NBEA: variants seen among roughly 807,000 people sequenced by gnomAD.
NBEA encodes the protein neurobeachin, also known as lysosomal-trafficking regulator 2.
NBEA carries 44 observed loss-of-function variants against 343.4 expected under a neutral mutation model. That is an observed-to-expected ratio of 0.13 (90% CI 0.10 to 0.16). The LOEUF (loss-of-function observed/expected upper bound fraction) is 0.16. NBEA is among the 10% of genes least tolerant of loss of function. The pLI, the probability that NBEA is intolerant of heterozygous loss-of-function variation, is 1.00. For missense variants in NBEA, 2,555 were observed against 3,631.3 expected (o/e 0.70, Z 7.62); for synonymous variants, 1,175 against 1,238.7 (o/e 0.95, Z 1.08).
Position 35,308,504 on chromosome 13 carries a change from ATATATATGTG to A in NBEA, c.5839-1014_5839-1005del, listed in dbSNP as rs1435193926. Among the ~76,000 whole-genome samples the A allele has an allele frequency of 2.2e-3, 251 of 115,508 alleles. 4 individuals carry two copies. Among genetic ancestry groups the A allele is most frequent in the African/African-American group, 8.7e-3 (238 of 27,440 alleles). 75.8% of individuals were successfully genotyped at this position (115,508 alleles called of 152,430 possible). Reference sequence around the variant, plus strand: ...TATATATGTGTATATATATGTGTATATATATATGTGTATATATGTATATATATGTATATAT... The same window carrying A: ...TATATATGTGTATATATATGTGTATATATATATGTATATATATGTATATAT... On this transcript the variant is annotated intron_variant, in intron 35 of 58. Transcript: ENST00000379939.
At chr13:35,466,521 G>A (rs1226211372) in intron 40 of NBEA, among the ~76,000 whole-genome samples, 1 of 152,182 alleles carries the variant, frequency 6.6e-6, no homozygotes, top group Non-Finnish European at 1.5e-5. Context: ...GGGCTGGAGT[G>A]CAGTGTCACT....
chr13:35,035,727 C>T (rs2062414859), intron 1 of NBEA, among the ~76,000 whole-genome samples: 1 of 151,858 alleles, frequency 6.6e-6, no homozygotes. Context: ...ATTGTTATAT[C>T]CTCTCACTTA....
chr13:35,034,631 C>T (rs1263209537), intron 1 of NBEA, among the ~76,000 whole-genome samples: 1 of 151,688 alleles, frequency 6.6e-6, no homozygotes, highest in African/African-American at 2.4e-5. Context: ...AATATTAGTT[C>T]TTTAAATGTT....
chr13:35,210,917 G>A (rs2073730752), intron 32 of NBEA, 136 bp from the exon 33 acceptor site: 3 of 827,558 alleles, frequency 3.6e-6, no homozygotes, highest in Non-Finnish European at 5.6e-6. Context: ...ACTTACTAAT[G>A]GCCAAATGAT....
chr13:35,509,489 C>A (rs1031153981), intron 41 of NBEA, among the ~76,000 whole-genome samples: 4 of 152,096 alleles, frequency 2.6e-5, no homozygotes, highest in Non-Finnish European at 5.9e-5. Context: ...TATGAATGGT[C>A]CATTTGAAGG....
chr13:35,183,978 G>A lies in NBEA; in HGVS notation c.4834G>A (p.Val1612Met). 2 of 1,608,518 alleles carry A rather than the reference G, an allele frequency of 1.2e-6. No individual in the cohort carries two copies. The highest frequency in any genetic ancestry group is 1.7e-6 in the Non-Finnish European group (2 of 1,176,290). The change falls in exon 30 of 59, where the codon GTG becomes ATG. Residue 1612 changes from valine (V) to methionine (M), a missense_variant and splice_region_variant. By Grantham distance (21) the Val-to-Met change is conservative. Transcript: ENST00000379939. ...TGATTCCATGATTTTCTCCACAGTT[G>A]TGGTCATACCATCTATCCCTCATCC... ...QEINSPTSTV[V>M]VIPSIPHPSL...
intron 38 of NBEA, among the ~76,000 whole-genome samples, chr13:35,353,341 A>G (rs2040300508): frequency 6.6e-6 from 1 of 152,090 alleles, no homozygotes; most frequent in Admixed American, 6.6e-5. Context: ...AGGCTGAGGC[A>G]CAAGAATTGC....
chr13:35,279,091 T>C (rs1205208735), intron 34 of NBEA, among the ~76,000 whole-genome samples: 1 of 152,182 alleles, frequency 6.6e-6, no homozygotes, highest in Admixed American at 6.6e-5. Flanking sequence ...CTGCAGGCTG[T>C]GATTCATTAG....
At chr13:35,081,483 C>A (rs1001868705) in intron 10 of NBEA, among the ~76,000 whole-genome samples, 2 of 150,934 alleles carry the variant, frequency 1.3e-5, no homozygotes, top group Non-Finnish European at 3.0e-5. Flanking sequence ...TAGAAACAAA[C>A]AAATTCAATC....
intron 1 of NBEA, among the ~76,000 whole-genome samples, chr13:35,023,592 T>C (rs563845506): frequency 3.7e-4 from 57 of 152,078 alleles, no homozygotes; most frequent in African/African-American, 1.3e-3. Context: ...CTTGAAGACA[T>C]TACTAAGGTT....
At chr13:35,055,157 C>T (rs1394457721) in intron 6 of NBEA, among the ~76,000 whole-genome samples, 1 of 151,706 alleles carries the variant, frequency 6.6e-6, no homozygotes, top group Non-Finnish European at 1.5e-5. Context: ...GTTAATTTTC[C>T]CCCCTTAACT....
At position 35,428,292 on chromosome 13, in the gene NBEA, TA is replaced by T. The variant is rs530030314; in HGVS notation, c.6180-3976del. ...TCTTGGCTCCTCCCCCACCCGCCAT[TA>T]TTTTTTTGGACATTGTTTCAGCTCT... On this transcript the variant is annotated intron_variant, in intron 38 of 58. Transcript: ENST00000379939. Among the ~76,000 whole-genome samples the T allele has an allele frequency of 1.5e-4, 23 of 152,268 alleles. No homozygotes were observed. The East Asian group carries it at 2.9e-3, about 19-fold the overall frequency.
chr13:35,157,028 T>C, intron 20 of NBEA, 50 bp from the exon 21 acceptor site: 1 of 1,391,984 alleles, frequency 7.2e-7, no homozygotes, highest in Non-Finnish European at 9.6e-7. Context: ...AATAGTAAAT[T>C]CTAACTTAAT....
intron 45 of NBEA, among the ~76,000 whole-genome samples, chr13:35,571,533 G>C (rs141291693): frequency 5.4e-4 from 82 of 152,274 alleles, no homozygotes; most frequent in Middle Eastern, 3.4e-3. Context: ...GTTGTTGAAA[G>C]ATTTTAACAC....
At position 35,010,738 on chromosome 13, in the gene NBEA, AAAAATATATATAT is replaced by A. The variant is rs1278015689; in HGVS notation, c.295-30193_295-30181del. 1.1e-3 allele frequency among the ~76,000 whole-genome samples: 34 copies of A among 32,066 alleles called. 5 individuals are homozygous for A. The Admixed American group carries it at 0.014, about 14-fold the overall frequency. The allele number at this position is 32,066 out of a possible 152,430, so 21.0% of individuals were successfully genotyped here. A position where few individuals can be genotyped will look rare whatever the true frequency, so the allele number is the denominator to read the frequency against. ...GACTGGGTCTCTACAAAAAAAAAAA[AAAAATATATATAT>A]ATATATATATATATATATATATATA... On this transcript the variant is annotated intron_variant, in intron 1 of 58. Transcript: ENST00000379939.
chr13:35,276,636 A>T (rs1334055439), intron 34 of NBEA, among the ~76,000 whole-genome samples: 1 of 152,232 alleles, frequency 6.6e-6, no homozygotes, highest in African/African-American at 2.4e-5. Flanking sequence ...CACGTTAGAG[A>T]AATATGTAAA....
chr13:35,088,474 TG>T (rs905656476), intron 10 of NBEA, among the ~76,000 whole-genome samples: 2 of 151,910 alleles, frequency 1.3e-5, no homozygotes, highest in Non-Finnish European at 2.9e-5. Context: ...CTATATGGTC[TG>T]GGGGTATCCC....
At position 35,147,318 on chromosome 13, in the gene NBEA, C is replaced by T. The variant is rs549362727; in HGVS notation, c.2445+4941C>T. ...CACATGGACAAGATGTTATGAATAT[C>T]TCCCCAAGTTAACTCAAATGAGAGT... On this transcript the variant is annotated intron_variant, in intron 18 of 58. Coordinates refer to ENST00000379939, the MANE Select transcript of NBEA (RefSeq NM_001385012.1). Among the ~76,000 whole-genome samples, 19 of 152,358 alleles carry T rather than the reference C, an allele frequency of 1.2e-4. 1 individual carries two copies. The East Asian group carries it at 3.3e-3, about 26-fold the overall frequency.
intron 41 of NBEA, among the ~76,000 whole-genome samples, chr13:35,505,516 A>T (rs973778921): frequency 6.6e-6 from 1 of 152,166 alleles, no homozygotes; most frequent in African/African-American, 2.4e-5. Context: ...TCATTTTTTC[A>T]TGTAATGAGC....
Sources: gnomAD v4.1 joint callset for allele counts (sites outside exome capture counted in the v4.1 genomes callset) on GRCh38, gnomAD v4.1.1 for gene constraint, MANE v1.5 for transcripts, NCBI Gene and HGNC (gene_info 2026-07-23, HGNC 2026-07-21) for gene names.